The following KCTD16 variants were observed in gnomAD, a reference collection of about 807,000 sequenced individuals.
KCTD16 encodes the protein potassium channel tetramerization domain containing 16.
In KCTD16, 13 loss-of-function variants were observed where a neutral mutation model predicts 33.2. That is an observed-to-expected ratio of 0.39 (90% CI 0.25 to 0.62). KCTD16 has a LOEUF of 0.62. KCTD16 is among the 20% of genes least tolerant of loss of function. The pLI, the probability that KCTD16 is intolerant of heterozygous loss-of-function variation, is 0.50. For missense variants in KCTD16, 441 were observed against 525.1 expected, an observed-to-expected ratio of 0.84 and a Z score of 1.57; for synonymous variants, 197 against 195.3, an observed-to-expected ratio of 1.01 and a Z score of -0.07.
intron 3 of KCTD16, among the ~76,000 whole-genome samples, chr5:144,275,781 A>T (rs1282586848): frequency 6.6e-6 from 1 of 152,150 alleles, no homozygotes; most frequent in Non-Finnish European, 1.5e-5. Flanking sequence ...TGCTCAAAAA[A>T]CTTGAAAATG....
chr5:144,193,162 C>G (rs900424983), intron 2 of KCTD16, among the ~76,000 whole-genome samples: 2 of 152,148 alleles, frequency 1.3e-5, no homozygotes, highest in African/African-American at 2.4e-5. Context: ...ATTTTGTTTC[C>G]CTGACAATCT....
intron 3 of KCTD16, among the ~76,000 whole-genome samples, chr5:144,357,799 A>G (rs1432404735): frequency 2.6e-5 from 4 of 152,108 alleles, no homozygotes. Context: ...CTAACTTCCT[A>G]GGAAAGGTAT....
chr5:144,465,779 C>CTTTTTTTTTTTTTTTTTTTTTTTTTT (rs780109122), intron 3 of KCTD16, among the ~76,000 whole-genome samples: 1 of 129,878 alleles, frequency 7.7e-6, no homozygotes, highest in Non-Finnish European at 1.6e-5. Flanking sequence ...CCAAATTTAA[C>CTTTTTTTTTTTTTTTTTTTTTTTTTT]TTTTTTGTTT....
intron 3 of KCTD16, among the ~76,000 whole-genome samples, chr5:144,417,881 C>T (rs111375946): frequency 0.054 from 8,150 of 152,160 alleles, 754 homozygotes; most frequent in African/African-American, 0.19. Context: ...CTGTGGATTC[C>T]TGGTCTTGCT....
Position 144,206,846 on chromosome 5 carries a change from A to G in KCTD16, c.132A>G (p.Ile44Met). The G allele has an allele frequency of 1.2e-6, 2 of 1,614,148 alleles. No individual in the cohort carries two copies. The highest frequency in any genetic ancestry group is 2.2e-5 in the South Asian group (2 of 91,074). ...QVYFTRHSTL[I>M]SIPHSLLWKM... Reference sequence around the variant, plus strand: ...ATTTTACTCGCCATTCCACATTGATAAGCATCCCTCATTCCCTCCTGTGGA... The same window carrying G: ...ATTTTACTCGCCATTCCACATTGATGAGCATCCCTCATTCCCTCCTGTGGA... Residue 44 changes from isoleucine (I) to methionine (M), a missense_variant, in exon 3 of 4, where the codon ATA (isoleucine) becomes ATG (methionine). Coordinates refer to ENST00000512467, the MANE Select transcript of KCTD16 (RefSeq NM_020768.4).
At chr5:144,286,810 T>A (rs1561554169) in intron 3 of KCTD16, among the ~76,000 whole-genome samples, 1 of 152,150 alleles carries the variant, frequency 6.6e-6, no homozygotes, top group Non-Finnish European at 1.5e-5. Context: ...CTTAGCATGG[T>A]TGGTGAGGAA....
At chr5:144,333,282 C>T (rs994258819) in intron 3 of KCTD16, among the ~76,000 whole-genome samples, 4 of 152,098 alleles carry the variant, frequency 2.6e-5, no homozygotes, top group South Asian at 2.1e-4. Context: ...ATTGTAATCA[C>T]TGAACAATTG....
At position 144,369,813 on chromosome 5, in the gene KCTD16, G is replaced by A. The variant is rs183487180; in HGVS notation, c.833-103847G>A. Among the ~76,000 whole-genome samples the A allele has an allele frequency of 2.5e-3, 381 of 152,178 alleles. 3 individuals carry two copies. The highest frequency in any genetic ancestry group is 8.8e-3 in the African/African-American group (365 of 41,512). On this transcript the variant is annotated intron_variant, in intron 3 of 3. Transcript: ENST00000512467. ...CCATTGAAGGAAGTGTATGTGAGAT[G>A]ATTTTAAGTGATTCATGGGTGAACA...
At chr5:144,365,942 G>T (rs1386314881) in intron 3 of KCTD16, among the ~76,000 whole-genome samples, 1 of 152,126 alleles carries the variant, frequency 6.6e-6, no homozygotes, top group African/African-American at 2.4e-5. Flanking sequence ...ATTTATGCTT[G>T]TTTATATAAA....
At chr5:144,324,148 C>T (rs975837700) in intron 3 of KCTD16, among the ~76,000 whole-genome samples, 1 of 152,126 alleles carries the variant, frequency 6.6e-6, no homozygotes, top group African/African-American at 2.4e-5. Context: ...ACACTATCTT[C>T]TCTCTCAACT....
intron 3 of KCTD16, among the ~76,000 whole-genome samples, chr5:144,248,735 C>T (rs948623320): frequency 3.9e-5 from 6 of 152,078 alleles, no homozygotes; most frequent in African/African-American, 9.7e-5. Context: ...GGATGTGTCA[C>T]GGATGACATT....
At chr5:144,430,314 G>T (rs1370770608) in intron 3 of KCTD16, among the ~76,000 whole-genome samples, 1 of 152,116 alleles carries the variant, frequency 6.6e-6, no homozygotes, top group Non-Finnish European at 1.5e-5. Flanking sequence ...GTCAAATCAA[G>T]ATGGCAGAGA....
At chr5:144,263,770 C>T (rs547350494) in intron 3 of KCTD16, among the ~76,000 whole-genome samples, 5 of 152,292 alleles carry the variant, frequency 3.3e-5, no homozygotes, top group African/African-American at 1.2e-4. Flanking sequence ...GACTGGGTGG[C>T]TTAAAAAACA....
intron 3 of KCTD16, among the ~76,000 whole-genome samples, chr5:144,444,430 A>G (rs1753776612): frequency 6.6e-6 from 1 of 152,080 alleles, no homozygotes; most frequent in Non-Finnish European, 1.5e-5. Flanking sequence ...TCATTTAAGT[A>G]AGGCTTGTTC....
chr5:144,485,016 A>G lies in KCTD16; in HGVS notation c.*10902A>G, dbSNP rs1405381397. ...CATGAATGCATGTCTACATGTCGTCAGTTCTCAGCAGCTCAGTTATTCAGC... is the reference window on the plus strand; with the variant it reads ...CATGAATGCATGTCTACATGTCGTCGGTTCTCAGCAGCTCAGTTATTCAGC... On this transcript the variant is annotated 3_prime_UTR_variant, in exon 4 of 4. Transcript: ENST00000512467. 2.6e-5 allele frequency: 4 copies of G among 151,958 alleles called. No individual in the cohort carries two copies. The East Asian group carries it at 7.7e-4, about 29-fold the overall frequency. The allele number at this position is 151,958 out of a possible 1,614,324, so 9.4% of individuals were successfully genotyped here.
intron 3 of KCTD16, among the ~76,000 whole-genome samples, chr5:144,378,594 A>G (rs1752144061): frequency 6.6e-6 from 1 of 152,158 alleles, no homozygotes; most frequent in Non-Finnish European, 1.5e-5. Flanking sequence ...ACAGTTTTGG[A>G]ATCCAACTTT....
chr5:144,206,967 A>G lies in KCTD16; in HGVS notation c.253A>G (p.Ile85Val). Reference protein sequence around the residue: ...IDRDGFLFRYILDYLRDRQVV... With the variant: ...IDRDGFLFRYVLDYLRDRQVV... ...CAGAGATGGATTCTTGTTCCGTTAT[A>G]TTCTGGACTATCTCAGGGACAGGCA... Residue 85 changes from isoleucine to valine, a missense_variant, in exon 3 of 4, where the codon ATT (isoleucine) becomes GTT (valine). Coordinates refer to ENST00000512467, the MANE Select transcript of KCTD16 (RefSeq NM_020768.4). 2 of 1,614,180 alleles carry G rather than the reference A, an allele frequency of 1.2e-6. No individual in the cohort carries two copies. Among genetic ancestry groups the G allele is most frequent in the South Asian group, 1.1e-5 (1 of 91,082 alleles).
intron 3 of KCTD16, among the ~76,000 whole-genome samples, chr5:144,412,216 GC>G (rs1284258367): frequency 5.9e-5 from 9 of 152,288 alleles, no homozygotes; most frequent in African/African-American, 1.9e-4. Flanking sequence ...AAGGATATCG[GC>G]ACTCCCATGT....
intron 3 of KCTD16, among the ~76,000 whole-genome samples, chr5:144,464,819 A>T (rs1580985118): frequency 6.6e-6 from 1 of 151,130 alleles, no homozygotes; most frequent in Non-Finnish European, 1.5e-5. Context: ...TTAGGCATTG[A>T]TCACTAATGT....
Sources: allele counts gnomAD v4.1 joint callset (sites outside exome capture counted in the v4.1 genomes callset), GRCh38; gene constraint gnomAD v4.1.1; transcripts MANE v1.5; gene names NCBI Gene and HGNC (gene_info 2026-07-23, HGNC 2026-07-21).